SLC30A10: variants seen among roughly 807,000 people sequenced by gnomAD.
SLC30A10 encodes the protein solute carrier family 30 member 10.
In SLC30A10, 8 loss-of-function variants were observed where a neutral mutation model predicts 21.7. The observed-to-expected ratio is 0.37, with a 90% CI of 0.22 to 0.67. The LOEUF is 0.67. Ranked by LOEUF, SLC30A10 falls within the 30% of genes least tolerant of loss-of-function variation. SLC30A10 has a pLI of 0.58. For missense variants in SLC30A10, 521 were observed against 642.5 expected (o/e 0.81, Z 2.04); for synonymous variants, 272 against 279.4 (o/e 0.97, Z 0.26).
chr1:219,955,098 A>G (rs188641510), intron 1 of SLC30A10, among the ~76,000 whole-genome samples: 100 of 152,324 alleles, frequency 6.6e-4, no homozygotes, highest in African/African-American at 2.4e-3. Context: ...CGTTAACAAA[A>G]GGAGTCCCTA....
At chr1:219,923,979 C>T (rs1196870391) in intron 2 of SLC30A10, among the ~76,000 whole-genome samples, 1 of 152,170 alleles carries the variant, frequency 6.6e-6, no homozygotes, top group Admixed American at 6.5e-5. Flanking sequence ...AGGAGAATCG[C>T]TTGAGCCTGG....
chr1:219,940,657 A>G (rs1378719427), intron 1 of SLC30A10, among the ~76,000 whole-genome samples: 2 of 152,192 alleles, frequency 1.3e-5, no homozygotes, highest in Non-Finnish European at 2.9e-5. Context: ...ATGAGCTTCA[A>G]AACAAAATAG....
upstream of SLC30A10, among the ~76,000 whole-genome samples, chr1:219,929,444 C>T (rs549799815): frequency 6.6e-6 from 1 of 152,324 alleles, no homozygotes; most frequent in African/African-American, 2.4e-5. Context: ...ATTCTACTCA[C>T]CCCCACGTGT....
upstream of SLC30A10, among the ~76,000 whole-genome samples, chr1:219,932,238 A>G (rs112767739): frequency 0.05 from 7,568 of 151,978 alleles, 644 homozygotes; most frequent in African/African-American, 0.17. Context: ...TAATTTTTGT[A>G]TTTTTAGTGG....
intron 1 of SLC30A10, among the ~76,000 whole-genome samples, chr1:219,934,406 T>G (rs554618072): frequency 1.3e-5 from 2 of 151,874 alleles, no homozygotes; most frequent in African/African-American, 4.8e-5. Context: ...GAGGTTGCAG[T>G]GAGCTGAGAT....
chr1:219,927,720 G>A lies in SLC30A10; in HGVS notation c.640+81C>T, dbSNP rs1426406373. 188 of 1,244,074 alleles carry A rather than the reference G, an allele frequency of 1.5e-4. 1 individual carries two copies. The highest frequency in any genetic ancestry group is 1.8e-4 in the Non-Finnish European group (174 of 953,090). The allele number at this position is 1,244,074 out of a possible 1,614,324, so 77.1% of individuals were successfully genotyped here. A position where few individuals can be genotyped will look rare whatever the true frequency, so the allele number is the denominator to read the frequency against. ...AAAAAAAGCATGCAGAAGAAAAAGA[G>A]GGCGTGGGGTGAGAAGAAAGGGACC... On this transcript the variant is annotated intron_variant, in intron 1 of 3. Coordinates refer to ENST00000366926, the MANE Select transcript of SLC30A10 (RefSeq NM_018713.3).
At chr1:219,928,576 C>A, upstream of SLC30A10, 1 of 765,560 alleles carries the variant, frequency 1.3e-6, no homozygotes, top group Non-Finnish European at 1.9e-6. The surrounding 1 kb of genome is among the most constrained non-coding windows in gnomAD (Gnocchi z 6.3). Context: ...GGCCCTGCCC[C>A]ACCGCTTTTT....
intron 1 of SLC30A10, among the ~76,000 whole-genome samples, chr1:219,935,962 C>A (rs1438143239): frequency 6.6e-6 from 1 of 152,032 alleles, no homozygotes; most frequent in Non-Finnish European, 1.5e-5. Flanking sequence ...AATCTAAACC[C>A]AAACCCCCTA....
At chr1:219,927,660 A>ACAAC (rs1338701595) in intron 1 of SLC30A10, 141 bp downstream of exon 1, 5 of 522,226 alleles carry the variant, frequency 9.6e-6, no homozygotes, top group Non-Finnish European at 1.3e-5. Context: ...AAAAAAAAAA[A>ACAAC]AAAAAAAACA....
At chr1:219,938,162 C>T (rs564521947) in intron 1 of SLC30A10, among the ~76,000 whole-genome samples, 74 of 152,240 alleles carry the variant, frequency 4.9e-4, no homozygotes, top group Admixed American at 1.2e-3. Context: ...ATATCCAAAT[C>T]TGCTAACAGT....
rs534710104 is a variant in SLC30A10 at position 219,916,080 on chromosome 1, A to C, written c.959-132T>G. 70 of 1,128,296 alleles carry C rather than the reference A, an allele frequency of 6.2e-5. No homozygotes were observed. The African/African-American group carries it at 1.0e-3, about 17-fold the overall frequency. 69.9% of individuals were successfully genotyped at this position (1,128,296 alleles called of 1,614,324 possible). A position where few individuals can be genotyped will look rare whatever the true frequency, so the allele number is the denominator to read the frequency against. ...TACTTACTACGAACAGCTGGAAGAA[A>C]TTAGTTCTACCTCTGTGGGTACATT... On this transcript the variant is annotated intron_variant, in intron 3 of 3. Coordinates refer to ENST00000366926, the MANE Select transcript of SLC30A10 (RefSeq NM_018713.3).
At position 219,927,043 on chromosome 1, in the gene SLC30A10, C is replaced by A; in HGVS notation, c.703G>T (p.Ala235Ser). The change falls in exon 2 of 4, where the codon GCT becomes TCT. Residue 235 changes from alanine to serine, a missense_variant. Physicochemically the swap from Ala to Ser is moderately conservative, Grantham distance 99. Transcript: ENST00000366926. ...DMMKKEKKSE[A>S]LNIRGVLLHV... ...TCAATCCTACCTCTGATATTCAGAG[C>A]TTCAGACTTTTTCTCTTTTTTCATC... 2 of 1,613,518 alleles carry A rather than the reference C, an allele frequency of 1.2e-6. No homozygotes were observed. Among genetic ancestry groups the A allele is most frequent in the Non-Finnish European group, 1.7e-6 (2 of 1,179,534 alleles).
chr1:219,922,176 G>GT (rs869249213), intron 2 of SLC30A10, among the ~76,000 whole-genome samples: 1 of 36,452 alleles, frequency 2.7e-5, no homozygotes, highest in Non-Finnish European at 5.1e-5. Context: ...GTGTGTGTGT[G>GT]TTTTTTTTTT....
intron 1 of SLC30A10, among the ~76,000 whole-genome samples, chr1:219,938,526 G>T (rs554636395): frequency 1.3e-5 from 2 of 152,170 alleles, no homozygotes; most frequent in Non-Finnish European, 2.9e-5. Flanking sequence ...AAGCTAACTG[G>T]GGCAGGTTTT....
chr1:219,926,834 A>G (rs905409440), intron 2 of SLC30A10, among the ~76,000 whole-genome samples, 194 bp downstream of exon 2: 1 of 152,230 alleles, frequency 6.6e-6, no homozygotes, highest in Admixed American at 6.5e-5. Context: ...TGGAGCTAAG[A>G]TAAATCATTA....
At chr1:219,955,033 CAAG>C (rs1282944874) in intron 1 of SLC30A10, among the ~76,000 whole-genome samples, 1 of 152,100 alleles carries the variant, frequency 6.6e-6, no homozygotes, top group East Asian at 1.9e-4. Flanking sequence ...TGAAAGATAA[CAAG>C]AAAATCAAGG....
rs1245828832 is a variant in SLC30A10, at chr1:219,913,298, T to G, written c.*2151A>C. ...ATAACTGTCTATCAAGATACTTTTC[T>G]GAAGTTAGGTTTAATTACAGTGGAA... On this transcript the variant is annotated 3_prime_UTR_variant, in exon 4 of 4. Coordinates refer to ENST00000366926, the MANE Select transcript of SLC30A10 (RefSeq NM_018713.3). Among the ~76,000 whole-genome samples the G allele has an allele frequency of 6.6e-6, 1 of 152,276 alleles. No individual in the cohort carries two copies. The highest frequency in any genetic ancestry group is 1.5e-5 in the Non-Finnish European group (1 of 68,050).
chr1:219,942,370 C>T (rs1431021739), intron 1 of SLC30A10, among the ~76,000 whole-genome samples: 1 of 152,070 alleles, frequency 6.6e-6, no homozygotes, highest in Non-Finnish European at 1.5e-5. Context: ...ACCAGAGATC[C>T]CCTTACAAAG....
Position 219,911,134 on chromosome 1 carries a change from A to AT in SLC30A10, c.*4314dup, listed in dbSNP as rs1659398923. On this transcript the variant is annotated 3_prime_UTR_variant, in exon 4 of 4. Transcript: ENST00000366926. Reference sequence around the variant, plus strand: ...AATTCAAATCAGGTCATGTTTCTTCATTTTTTCTACATCAGTTTTTTTTTT... The same window carrying AT: ...AATTCAAATCAGGTCATGTTTCTTCATTTTTTTCTACATCAGTTTTTTTTTT... 2.2e-5 allele frequency among the ~76,000 whole-genome samples: 1 copy of AT among 45,314 alleles called. No individual in the cohort carries two copies. Among genetic ancestry groups the AT allele is most frequent in the South Asian group, 7.0e-4 (1 of 1,432 alleles). The allele number at this position is 45,314 out of a possible 152,430, so 29.7% of individuals were successfully genotyped here. A position where few individuals can be genotyped will look rare whatever the true frequency, so the allele number is the denominator to read the frequency against.
Sources: gnomAD v4.1 joint callset for allele counts (sites outside exome capture counted in the v4.1 genomes callset) on GRCh38, gnomAD v4.1.1 for gene constraint, Gnocchi (gnomAD v3.1) non-coding constraint, MANE v1.5 for transcripts, NCBI Gene and HGNC (gene_info 2026-07-23, HGNC 2026-07-21) for gene names.